Variants in RIMBP2 observed in about 807,000 individuals in gnomAD.
RIMBP2 encodes RIMS-binding protein 2.
Under a neutral mutation model 118.6 loss-of-function variants are expected in RIMBP2, and 48 were observed. The ratio of observed to expected loss-of-function variants is 0.40; its 90% confidence interval spans 0.32 to 0.51. The LOEUF (loss-of-function observed/expected upper bound fraction) is 0.51. Ranked by LOEUF, RIMBP2 falls within the 20% of genes least tolerant of loss-of-function variation. The probability of loss-of-function intolerance (pLI) is 0.41; values close to 1 mark genes in which losing one functional copy is unlikely to be tolerated. For missense variants in RIMBP2, 1,551 were observed against 1,768.3 expected (o/e 0.88, Z 2.20); for synonymous variants, 762 against 742.9 (o/e 1.03, Z -0.42).
intron 2 of RIMBP2, among the ~76,000 whole-genome samples, chr12:130,564,338 T>TTG (rs1555292835): frequency 6.6e-6 from 1 of 151,972 alleles, no homozygotes; most frequent in Admixed American, 6.6e-5. Flanking sequence ...TGTGTTTTTT[T>TTG]CCCAAAGCAT....
chr12:130,524,992 G>A (rs1252375762), intron 2 of RIMBP2, among the ~76,000 whole-genome samples: 2 of 152,184 alleles, frequency 1.3e-5, no homozygotes, highest in Non-Finnish European at 2.9e-5. Context: ...ATGCTCAGGG[G>A]ACAGGTCCCC....
At chr12:130,528,217 T>C (rs2053011119) in intron 2 of RIMBP2, among the ~76,000 whole-genome samples, 1 of 152,150 alleles carries the variant, frequency 6.6e-6, no homozygotes, top group Non-Finnish European at 1.5e-5. Context: ...AGTGATAGAC[T>C]TGATAAAGAA....
chr12:130,449,344 C>T (rs12305875), intron 9 of RIMBP2, among the ~76,000 whole-genome samples: 38,140 of 152,280 alleles, frequency 0.25, 5,944 homozygotes, highest in Non-Finnish European at 0.34. Flanking sequence ...TCCTTGCCCA[C>T]GTCCGCCTCT....
At chr12:130,636,376 G>A (rs1018511400) in intron 1 of RIMBP2, among the ~76,000 whole-genome samples, 2 of 152,124 alleles carry the variant, frequency 1.3e-5, no homozygotes, top group Non-Finnish European at 2.9e-5. Context: ...GGAGATTGGC[G>A]GTTGTATGTA....
At chr12:130,632,691 C>T (rs1418437419) in intron 1 of RIMBP2, among the ~76,000 whole-genome samples, 7 of 152,152 alleles carry the variant, frequency 4.6e-5, no homozygotes, top group Admixed American at 6.5e-5. Flanking sequence ...TAAAAAACTA[C>T]TCTGTATGGT....
chr12:130,694,668 G>A (rs1291265067), intron 1 of RIMBP2, among the ~76,000 whole-genome samples: 2 of 152,150 alleles, frequency 1.3e-5, no homozygotes, highest in African/African-American at 4.8e-5. Flanking sequence ...TCCCTGGACT[G>A]GCTTAGTCCC....
chr12:130,545,681 C>T (rs775401977), intron 2 of RIMBP2, among the ~76,000 whole-genome samples: 36 of 152,156 alleles, frequency 2.4e-4, no homozygotes, highest in Non-Finnish European at 3.5e-4. Flanking sequence ...TCAGAGCCGC[C>T]GTCGAGTGTC....
At chr12:130,506,156 G>A (rs973366872) in intron 4 of RIMBP2, among the ~76,000 whole-genome samples, 4 of 151,964 alleles carry the variant, frequency 2.6e-5, no homozygotes, top group African/African-American at 9.7e-5. Flanking sequence ...CAACCCACTG[G>A]CTAAATATTG....
chr12:130,702,586 A>AGGAAGGAAGGAAGGAG (rs770230678), intron 1 of RIMBP2, among the ~76,000 whole-genome samples: 1 of 144,198 alleles, frequency 6.9e-6, no homozygotes, highest in East Asian at 2.1e-4. Flanking sequence ...GAAGGAAGGA[A>AGGAAGGAAGGAAGGAG]GAAGGGAGGG....
rs1160651398 is a variant in RIMBP2, at chr12:130,396,872, ACT to A, written c.*487_*488del. 1 of 152,608 alleles carries A rather than the reference ACT, an allele frequency of 6.6e-6. No individual in the cohort carries two copies. Among genetic ancestry groups the A allele is most frequent in the Non-Finnish European group, 1.5e-5 (1 of 68,062 alleles). 9.5% of individuals were successfully genotyped at this position (152,608 alleles called of 1,614,324 possible). ...AATGCACGACACATACAAAGTATAC[ACT>A]GTTTTTATTAGACAGTACAAATCAT... On this transcript the variant is annotated 3_prime_UTR_variant, in exon 23 of 23. Transcript: ENST00000690449.
At chr12:130,644,546 TATC>T (rs1313715974) in intron 1 of RIMBP2, among the ~76,000 whole-genome samples, 1 of 152,178 alleles carries the variant, frequency 6.6e-6, no homozygotes, top group Non-Finnish European at 1.5e-5. Context: ...CGAGGAGCCG[TATC>T]ATCAAGTGCA....
At position 130,446,411 on chromosome 12, in the gene RIMBP2, C is replaced by CA. The variant is rs2078528040; in HGVS notation, c.582-1143dup. ...GCTGAGTGAGGTCAGGCAACATGCCCAAAGTCACAAGCTTATGAATCGGTG... is the reference window on the plus strand; with the variant it reads ...GCTGAGTGAGGTCAGGCAACATGCCCAAAAGTCACAAGCTTATGAATCGGTG... On this transcript the variant is annotated intron_variant, in intron 9 of 22. Transcript: ENST00000690449. This position sits in a 1 kb window ranked among gnomAD's most constrained non-coding sequence, Gnocchi z 4.1. Among the ~76,000 whole-genome samples, 1 of 152,178 alleles carries CA rather than the reference C, an allele frequency of 6.6e-6. No homozygotes were observed. Among genetic ancestry groups the CA allele is most frequent in the Non-Finnish European group, 1.5e-5 (1 of 68,032 alleles).
intron 2 of RIMBP2, among the ~76,000 whole-genome samples, chr12:130,573,110 A>G (rs1385163880): frequency 6.6e-6 from 1 of 152,196 alleles, no homozygotes; most frequent in East Asian, 1.9e-4. Context: ...CCTTTGAGAA[A>G]TCAGTGAAGC....
rs769681282 is a variant in RIMBP2, at chr12:130,689,643, G to A, written c.-352+26579C>T. Among the ~76,000 whole-genome samples, 70 of 152,214 alleles carry A rather than the reference G, an allele frequency of 4.6e-4. 1 individual carries two copies. The Middle Eastern group carries it at 0.01, about 22-fold the overall frequency. Reference sequence around the variant, plus strand: ...CCTCTGATCCCAAGGCTTAGCTGGGGAGGGGGACGGGCCCATCAACACTTC... The same window carrying A: ...CCTCTGATCCCAAGGCTTAGCTGGGAAGGGGGACGGGCCCATCAACACTTC... On this transcript the variant is annotated intron_variant, in intron 1 of 22. Transcript: ENST00000690449.
intron 2 of RIMBP2, among the ~76,000 whole-genome samples, chr12:130,587,870 G>A (rs1014915233): frequency 7.3e-5 from 11 of 151,124 alleles, no homozygotes; most frequent in African/African-American, 1.9e-4. Context: ...ATGGGGGAGC[G>A]GTGTCCTCCA....
chr12:130,528,658 C>T (rs2053060697), intron 2 of RIMBP2, among the ~76,000 whole-genome samples: 1 of 152,202 alleles, frequency 6.6e-6, no homozygotes, highest in Non-Finnish European at 1.5e-5. Context: ...CATGTATCTG[C>T]AATGCATACT....
In RIMBP2 at chr12:130,400,149, G is replaced by C. The variant is rs1482400917; in HGVS notation, c.3766-336C>G. On this transcript the variant is annotated intron_variant, in intron 21 of 22. Coordinates refer to ENST00000690449, the MANE Select transcript of RIMBP2 (RefSeq NM_001393629.1). ...CATTTAGTGGTTCTCGGGCCTGGCT[G>C]ATCTGAGGCACTAGGGAGCTGCTAA... Among the ~76,000 whole-genome samples, 5 of 152,258 alleles carry C rather than the reference G, an allele frequency of 3.3e-5. No individual in the cohort carries two copies. In the East Asian group the frequency reaches 9.7e-4, roughly 29 times the overall value.
intron 1 of RIMBP2, among the ~76,000 whole-genome samples, chr12:130,674,323 G>C (rs1293241370): frequency 6.6e-6 from 1 of 152,158 alleles, no homozygotes; most frequent in African/African-American, 2.4e-5. Flanking sequence ...GTGGAACCAT[G>C]AGCCAATTAC....
At chr12:130,461,178 C>T (rs764748700) in intron 6 of RIMBP2, among the ~76,000 whole-genome samples, 2 of 152,192 alleles carry the variant, frequency 1.3e-5, no homozygotes, top group Admixed American at 6.5e-5. Flanking sequence ...TCTCTCGAGG[C>T]GGCTGCAGAG....
Sources: allele counts gnomAD v4.1 joint callset (sites outside exome capture counted in the v4.1 genomes callset), GRCh38; gene constraint gnomAD v4.1.1; non-coding constraint Gnocchi (gnomAD v3.1); transcripts MANE v1.5; gene names NCBI Gene and HGNC (gene_info 2026-07-23, HGNC 2026-07-21).